Variants in PCNX2 observed in about 807,000 individuals in gnomAD.
The protein encoded by PCNX2 is pecanex 2.
In PCNX2, 168 loss-of-function variants were observed where a neutral mutation model predicts 223.8. The ratio of observed to expected loss-of-function variants is 0.75; its 90% CI spans 0.66 to 0.85. PCNX2 has a LOEUF of 0.85. Ranked by LOEUF, PCNX2 falls within the 40% of genes least tolerant of loss-of-function variation. PCNX2 has a pLI of 0.00. For missense variants in PCNX2, 2,507 were observed against 2,675.5 expected (o/e 0.94, Z 1.39); for synonymous variants, 1,006 against 1,052.6 (o/e 0.96, Z 0.86).
At chr1:233,315,202 G>C in the PCNX2 span, among the ~76,000 whole-genome samples, 2 of 152,282 alleles carry the variant, frequency 1.3e-5, no homozygotes, top group African/African-American at 4.8e-5. Context: ...TATAAGAGAA[G>C]AAAAGGTCAG....
chr1:233,152,508 A>G (rs1571978108), intron 19 of PCNX2, among the ~76,000 whole-genome samples: 1 of 152,200 alleles, frequency 6.6e-6, no homozygotes, highest in Non-Finnish European at 1.5e-5. Flanking sequence ...GCATAGTTTT[A>G]TGTTCCAAAA....
intron 21 of PCNX2, among the ~76,000 whole-genome samples, chr1:233,120,727 A>C (rs1313703226): frequency 6.6e-6 from 1 of 152,238 alleles, no homozygotes; most frequent in African/African-American, 2.4e-5. Flanking sequence ...TTGAAACATC[A>C]AAATTATAGT....
At chr1:233,177,660 C>T in intron 17 of PCNX2, 142 bp downstream of exon 17, 1 of 627,776 alleles carries the variant, frequency 1.6e-6, no homozygotes, top group East Asian at 2.9e-5. Flanking sequence ...GCTCAACAGC[C>T]CAGTGTGCCA....
At chr1:233,129,406 G>A (rs1217435677) in intron 21 of PCNX2, among the ~76,000 whole-genome samples, 1 of 152,202 alleles carries the variant, frequency 6.6e-6, no homozygotes, top group East Asian at 1.9e-4. Context: ...CCCCGCCGCG[G>A]TGGGCTCCTG....
At chr1:233,032,108 TTTC>T (rs1437545925) in intron 25 of PCNX2, 26 of 925,950 alleles carry the variant, frequency 2.8e-5, no homozygotes, top group Middle Eastern at 1.1e-3. Flanking sequence ...TCTTTCTTTC[TTTC>T]TTTTTTTTGA....
At chr1:233,216,180 C>A (rs192012544) in intron 12 of PCNX2, among the ~76,000 whole-genome samples, 1 of 152,128 alleles carries the variant, frequency 6.6e-6, no homozygotes, top group Non-Finnish European at 1.5e-5. Context: ...GCGGTGAACT[C>A]GGTACAGAGG....
rs746850172 is a variant in PCNX2, at chr1:233,280,545, G to A, written c.153+14781C>T. ...ACTCCTGACCTCAGGTGATCCACCC[G>A]CCTAGGCCTCCCAAAGTGTTGGGAT... On this transcript the variant is annotated intron_variant, in intron 1 of 33. Coordinates refer to ENST00000258229, the MANE Select transcript of PCNX2 (RefSeq NM_014801.4). 1.1e-4 allele frequency among the ~76,000 whole-genome samples: 17 copies of A among 152,144 alleles called. 1 individual carries two copies. The highest frequency in any genetic ancestry group is 6.5e-4 in the Admixed American group (10 of 15,286).
chr1:233,287,782 T>C (rs1194335858), intron 1 of PCNX2, among the ~76,000 whole-genome samples: 4 of 152,190 alleles, frequency 2.6e-5, no homozygotes, highest in South Asian at 2.1e-4. Flanking sequence ...AGTCAGGCCA[T>C]GACTAGCCAT....
intron 21 of PCNX2, among the ~76,000 whole-genome samples, chr1:233,104,767 A>T (rs1386754583): frequency 6.6e-6 from 1 of 152,086 alleles, no homozygotes; most frequent in Non-Finnish European, 1.5e-5. Flanking sequence ...ACTAAAGTAC[A>T]AAAGTAGTCT....
chr1:233,310,103 T>C, the PCNX2 span, among the ~76,000 whole-genome samples: 1 of 152,062 alleles, frequency 6.6e-6, no homozygotes, highest in South Asian at 2.1e-4. Flanking sequence ...AGAATCTGAG[T>C]CTATATTCAT....
chr1:233,075,696 AACAC>A (rs369431993), intron 23 of PCNX2, among the ~76,000 whole-genome samples: 7,725 of 137,226 alleles, frequency 0.056, 248 homozygotes, highest in African/African-American at 0.094. Context: ...GTTAGCTTAA[AACAC>A]ACACACACAC....
intron 21 of PCNX2, among the ~76,000 whole-genome samples, chr1:233,117,065 C>T (rs1675455633): frequency 6.6e-6 from 1 of 152,006 alleles, no homozygotes; most frequent in Non-Finnish European, 1.5e-5. Context: ...AGATCATTTC[C>T]AAAACACAGC....
intron 17 of PCNX2, among the ~76,000 whole-genome samples, chr1:233,169,578 G>C (rs890983747): frequency 6.7e-6 from 1 of 149,094 alleles, no homozygotes; most frequent in African/African-American, 2.5e-5. Context: ...CCGGGAGGCG[G>C]AGCTTGCAGT....
At chr1:233,041,439 C>T (rs1200245320) in intron 25 of PCNX2, among the ~76,000 whole-genome samples, 1 of 152,194 alleles carries the variant, frequency 6.6e-6, no homozygotes, top group Non-Finnish European at 1.5e-5. Flanking sequence ...AATGCGGGTG[C>T]ACAGCCTACA....
chr1:233,004,186 C>T (rs1448071300), intron 28 of PCNX2, among the ~76,000 whole-genome samples: 1 of 151,666 alleles, frequency 6.6e-6, no homozygotes, highest in Non-Finnish European at 1.5e-5. Flanking sequence ...ATTTGGCCAA[C>T]ACTCGATTAT....
intron 25 of PCNX2, among the ~76,000 whole-genome samples, chr1:233,036,658 A>G (rs1671467221): frequency 1.3e-5 from 2 of 151,934 alleles, no homozygotes; most frequent in Non-Finnish European, 2.9e-5. Context: ...TATTTCAAGG[A>G]GCCTCCTTTT....
intron 21 of PCNX2, among the ~76,000 whole-genome samples, chr1:233,119,924 T>C (rs966271571): frequency 3.3e-5 from 5 of 152,028 alleles, no homozygotes; most frequent in African/African-American, 1.2e-4. Context: ...CCCAGCACTT[T>C]GGGAGGCCGA....
At chr1:233,235,967 TA>T (rs1558376593) in intron 9 of PCNX2, among the ~76,000 whole-genome samples, 20 of 133,278 alleles carry the variant, frequency 1.5e-4, no homozygotes, top group African/African-American at 6.2e-4. Context: ...AATATATATA[TA>T]TATATATATA....
chr1:233,040,750 C>G (rs1029953267), intron 25 of PCNX2, among the ~76,000 whole-genome samples: 2 of 152,128 alleles, frequency 1.3e-5, no homozygotes, highest in African/African-American at 4.8e-5. Flanking sequence ...TTTCCAACAT[C>G]CTGGTGCCCG....
Sources: allele counts gnomAD v4.1 joint callset (sites outside exome capture counted in the v4.1 genomes callset), GRCh38; gene constraint gnomAD v4.1.1; transcripts MANE v1.5; gene names NCBI Gene and HGNC (gene_info 2026-07-23, HGNC 2026-07-21).